FRMPD4: variants seen among roughly 807,000 people sequenced by gnomAD.
FRMPD4 encodes the protein FERM and PDZ domain containing 4, also known as FERM and PDZ domain-containing protein 4.
A neutral mutation model predicts 94.1 loss-of-function variants in FRMPD4; 22 were observed. The ratio of observed to expected loss-of-function variants is 0.23; its 90% CI spans 0.17 to 0.33. The LOEUF is 0.33. Ranked by LOEUF, FRMPD4 falls within the 10% of genes least tolerant of loss-of-function variation. The pLI, the probability that FRMPD4 is intolerant of heterozygous loss-of-function variation, is 1.00. For missense variants in FRMPD4, 1,111 were observed against 1,339.9 expected (o/e 0.83, Z 2.67); for synonymous variants, 631 against 548.6 (o/e 1.15, Z -2.10).
At chrX:12,544,573 A>G (rs1215730794) in intron 2 of FRMPD4, among the ~76,000 whole-genome samples, 1 of 112,005 alleles carries the variant, frequency 8.9e-6, no homozygotes, top group Non-Finnish European at 1.9e-5. Context: ...AGTTACTGAG[A>G]TGACTTTTAA....
intron 1 of FRMPD4, among the ~76,000 whole-genome samples, chrX:12,274,448 A>G (rs920512947): frequency 6.2e-5 from 7 of 112,481 alleles, no homozygotes; most frequent in Admixed American, 1.9e-4. Context: ...CTTCTGTGAA[A>G]AAGAGATAGT....
chrX:12,438,288 G>A (rs761309518), intron 1 of FRMPD4, among the ~76,000 whole-genome samples: 2 of 110,138 alleles, frequency 1.8e-5, no homozygotes, highest in East Asian at 2.9e-4. Flanking sequence ...TATCAATGAA[G>A]TGACCTTAAT....
chrX:12,185,407 G>T (rs1366674370), intron 1 of FRMPD4, among the ~76,000 whole-genome samples: 1 of 111,364 alleles, frequency 9.0e-6, no homozygotes, highest in Non-Finnish European at 1.9e-5. Flanking sequence ...ATCCTGGGGA[G>T]GGTGTTATAG....
chrX:11,966,068 T>G (rs776736193), intron 3 of FRMPD4, among the ~76,000 whole-genome samples: 1 of 111,491 alleles, frequency 9.0e-6, no homozygotes, highest in African/African-American at 3.3e-5. Flanking sequence ...TAAAATAGAG[T>G]GAAAATATAC....
chrX:12,287,204 G>GT (rs1441973811), intron 1 of FRMPD4, among the ~76,000 whole-genome samples: 3 of 112,246 alleles, frequency 2.7e-5, no homozygotes, highest in Non-Finnish European at 3.8e-5. Flanking sequence ...GAGAAGACAA[G>GT]TAAACAGGCA....
chrX:12,648,374 TTCAAGTGCTTACCCGTTCA>T (rs994192314), intron 4 of FRMPD4, among the ~76,000 whole-genome samples: 9 of 111,790 alleles, frequency 8.1e-5, no homozygotes, highest in African/African-American at 2.9e-4. Context: ...CTGCATTCCT[TTCAAGTGCTTACCCGTTCA>T]TCAAGATCCA....
chrX:12,112,332 C>T (rs1229617122), intron 3 of FRMPD4, among the ~76,000 whole-genome samples: 1 of 111,135 alleles, frequency 9.0e-6, no homozygotes, highest in Non-Finnish European at 1.9e-5. Context: ...AAACCAAACA[C>T]CGCATGTTCT....
chrX:12,104,333 G>T (rs1164746679), intron 3 of FRMPD4, among the ~76,000 whole-genome samples: 1 of 112,144 alleles, frequency 8.9e-6, no homozygotes, highest in Non-Finnish European at 1.9e-5. Context: ...AGGGTTACTA[G>T]CTGGGTCTAG....
intron 4 of FRMPD4, among the ~76,000 whole-genome samples, chrX:12,617,702 C>T (rs1274667076): frequency 8.9e-6 from 1 of 111,745 alleles, no homozygotes; most frequent in African/African-American, 3.3e-5. Flanking sequence ...TGGAAAAACA[C>T]TCATCATTTT....
At chrX:12,658,549 C>G (rs1050284001) in intron 4 of FRMPD4, among the ~76,000 whole-genome samples, 1 of 112,132 alleles carries the variant, frequency 8.9e-6, no homozygotes, top group Non-Finnish European at 1.9e-5. Flanking sequence ...AATAACCACC[C>G]TGTCATTTGT....
At chrX:12,325,175 C>T (rs1051395446) in intron 1 of FRMPD4, among the ~76,000 whole-genome samples, 3 of 112,081 alleles carry the variant, frequency 2.7e-5, no homozygotes, top group African/African-American at 9.7e-5. Flanking sequence ...TTGTATTAGA[C>T]TCATGTGTAA....
chrX:11,836,222 A>G, intron 1 of FRMPD4, among the ~76,000 whole-genome samples: 1 of 111,559 alleles, frequency 9.0e-6, no homozygotes. Context: ...CCTTCTAGAA[A>G]TTGCTAAATG....
At chrX:12,588,858 AT>A (rs753388591) in intron 2 of FRMPD4, among the ~76,000 whole-genome samples, 4 of 112,327 alleles carry the variant, frequency 3.6e-5, no homozygotes, top group South Asian at 3.7e-4. Flanking sequence ...ACACACATAC[AT>A]TTTTTTCTTT....
At chrX:12,199,249 G>A (rs1474341629) in intron 1 of FRMPD4, among the ~76,000 whole-genome samples, 3 of 100,463 alleles carry the variant, frequency 3.0e-5, no homozygotes, top group African/African-American at 1.1e-4. Context: ...GTGTGTGTGT[G>A]TGTGTGTGTG....
At chrX:12,640,356 G>A (rs769846862) in intron 4 of FRMPD4, among the ~76,000 whole-genome samples, 21 of 104,709 alleles carry the variant, frequency 2.0e-4, no homozygotes, top group African/African-American at 5.9e-4. Flanking sequence ...GGAGGAAGTA[G>A]TCGAAAGGCT....
intron 3 of FRMPD4, among the ~76,000 whole-genome samples, chrX:12,027,049 C>T (rs2054665201): frequency 8.9e-6 from 1 of 112,052 alleles, no homozygotes; most frequent in Non-Finnish European, 1.9e-5. Context: ...TGCATAATCA[C>T]TTCTAGTGAT....
chrX:12,542,149 A>G (rs1162695396), intron 2 of FRMPD4, among the ~76,000 whole-genome samples: 1 of 112,145 alleles, frequency 8.9e-6, no homozygotes, highest in East Asian at 2.8e-4. Context: ...ATGGGCAAAA[A>G]CTGGAAGCAT....
intron 2 of FRMPD4, among the ~76,000 whole-genome samples, chrX:12,530,998 G>A (rs2058280197): frequency 9.0e-6 from 1 of 111,458 alleles, no homozygotes; most frequent in African/African-American, 3.3e-5. Flanking sequence ...ATAGAGGACA[G>A]AACGGATAGA....
intron 3 of FRMPD4, among the ~76,000 whole-genome samples, chrX:12,043,729 C>A (rs1247152208): frequency 8.9e-6 from 1 of 112,000 alleles, no homozygotes; most frequent in Non-Finnish European, 1.9e-5. Context: ...TTAACATTTT[C>A]TTCCTACATC....
Sources: allele counts gnomAD v4.1 joint callset (sites outside exome capture counted in the v4.1 genomes callset), GRCh38; gene constraint gnomAD v4.1.1; transcripts MANE v1.5; gene names NCBI Gene and HGNC (gene_info 2026-07-23, HGNC 2026-07-21).